The following USP19 variants were observed in gnomAD, a reference collection of about 807,000 sequenced individuals.
USP19 encodes ubiquitin carboxyl-terminal hydrolase 19.
A neutral mutation model predicts 144.8 loss-of-function variants in USP19; 40 were observed. The ratio of observed to expected loss-of-function variants is 0.28; its 90% CI spans 0.21 to 0.36. The LOEUF (loss-of-function observed/expected upper bound fraction) is 0.36. USP19 is among the 10% of genes least tolerant of loss of function. USP19 has a pLI of 1.00. For missense variants in USP19, 1,518 were observed against 1,822.5 expected, an observed-to-expected ratio of 0.83 and a Z score of 3.04; for synonymous variants, 701 against 709.3, an observed-to-expected ratio of 0.99 and a Z score of 0.19.
Position 49,116,000 on chromosome 3 carries a change from G to A in USP19, c.1471+47C>T. ...TTAGCAGCATGTGACAGGGGTTTGG[G>A]TCCTGGTCACGTGGAACTGGGCAAT... is the stretch of plus-strand genomic sequence containing the variant. On this transcript the variant is annotated intron_variant, in intron 10 of 26. Transcript: ENST00000417901. This position sits in a 1 kb window ranked among gnomAD's most constrained non-coding sequence, Gnocchi z 6.6. The A allele has an allele frequency of 6.4e-7, 1 of 1,572,752 alleles. No homozygotes were observed.
intron 17 of USP19, among the ~76,000 whole-genome samples, chr3:49,113,302 A>T (rs527562715): frequency 6.6e-6 from 1 of 152,124 alleles, no homozygotes; most frequent in Admixed American, 6.5e-5. Flanking sequence ...TTTGAGACAG[A>T]GTCTCACTCT....
In USP19 at chr3:49,112,562, T is replaced by A; in HGVS notation, c.2573A>T (p.Asp858Val). The A allele has an allele frequency of 6.2e-7, 1 of 1,614,034 alleles. No individual in the cohort carries two copies. Among genetic ancestry groups the A allele is most frequent in the Non-Finnish European group, 8.5e-7 (1 of 1,179,968 alleles). The change falls in exon 18 of 27, where the codon GAT becomes GTT. Residue 858 changes from aspartate to valine, a missense_variant. Coordinates refer to ENST00000417901, the MANE Select transcript of USP19 (RefSeq NM_001199161.2). The surrounding 1 kb of genome is among the most constrained non-coding windows in gnomAD (Gnocchi z 4.9). ...TAGCAGCTCAAAGCAGAGGAGCGTA[T>A]CAGATGGGGACACAGTGTCCAGTGA... ...SHSLDTVSPS[D>V]TLLCFELLSS...
chr3:49,114,891 G>A lies in USP19; in HGVS notation c.2182-18C>T. 1 of 1,614,186 alleles carries A rather than the reference G, an allele frequency of 6.2e-7. No homozygotes were observed. Among genetic ancestry groups the A allele is most frequent in the Non-Finnish European group, 8.5e-7 (1 of 1,180,036 alleles). ...GCTACCACCTGAGAGGCAGAGTGGTGAGAACCAAAGAGTACCAGGGGCTGG... is the reference window on the plus strand; with the variant it reads ...GCTACCACCTGAGAGGCAGAGTGGTAAGAACCAAAGAGTACCAGGGGCTGG... On this transcript the variant is annotated intron_variant, in intron 14 of 26. Transcript: ENST00000417901. This position sits in a 1 kb window ranked among gnomAD's most constrained non-coding sequence, Gnocchi z 4.5.
At chr3:49,109,984 T>C (rs1559985560) in intron 26 of USP19, 200 bp downstream of exon 26, 5 of 532,216 alleles carry the variant, frequency 9.4e-6, no homozygotes, top group Admixed American at 3.9e-5. Context: ...AGCATGTTAG[T>C]GTACTTGTAT....
chr3:49,110,158 T>C lies in USP19; in HGVS notation c.4038+26A>G. The C allele has an allele frequency of 6.7e-7, 1 of 1,501,570 alleles. No individual in the cohort carries two copies. The highest frequency in any genetic ancestry group is 8.9e-7 in the Non-Finnish European group (1 of 1,127,500). 93.0% of individuals were successfully genotyped at this position (1,501,570 alleles called of 1,614,324 possible). A position where few individuals can be genotyped will look rare whatever the true frequency, so the allele number is the denominator to read the frequency against. ...CAGTCTGTGAACTGTCCCCCAGTATTCTGTAAAGCCTCCCACATGCCTCAC... is the reference window on the plus strand; with the variant it reads ...CAGTCTGTGAACTGTCCCCCAGTATCCTGTAAAGCCTCCCACATGCCTCAC... On this transcript the variant is annotated intron_variant, in intron 26 of 26. Transcript: ENST00000417901. This position sits in a 1 kb window ranked among gnomAD's most constrained non-coding sequence, Gnocchi z 6.1.
rs376820680 is a variant in USP19 at position 49,111,269 on chromosome 3, C to G, written c.3314G>C (p.Arg1105Pro). The G allele has an allele frequency of 2.5e-6, 4 of 1,614,032 alleles. No individual in the cohort carries two copies. In the African/African-American group the frequency reaches 5.3e-5, roughly 22 times the overall value. ...YKIDSSNREQ[R>P]LEDKGDTPLE... ...GCCTCAGACACCTTTGTCCTCTAGC[C>G]GCTGCTCTCGGTTGGATGAATCAAT... Residue 1105 changes from arginine (R) to proline (P), a missense_variant, in exon 22 of 27, where the codon CGG (arginine) becomes CCG (proline). Physicochemically the swap from Arg to Pro is moderately radical, Grantham distance 103. Coordinates refer to ENST00000417901, the MANE Select transcript of USP19 (RefSeq NM_001199161.2). This position sits in a 1 kb window ranked among gnomAD's most constrained non-coding sequence, Gnocchi z 5.9.
rs374519963 is a variant in USP19 at position 49,114,260 on chromosome 3, G to T, written c.2317C>A (p.Leu773Ile). The T allele has an allele frequency of 1.2e-6, 2 of 1,614,246 alleles. No individual in the cohort carries two copies. The highest frequency in any genetic ancestry group is 1.3e-5 in the African/African-American group (1 of 75,064). Residue 773 changes from leucine to isoleucine, a missense_variant, in exon 16 of 27, where the codon CTT (leucine) becomes ATT (isoleucine). Transcript: ENST00000417901. This position sits in a 1 kb window ranked among gnomAD's most constrained non-coding sequence, Gnocchi z 4.5. Reference protein sequence around the residue: ...AKVSITFDPFLYLPVPLPQKQ... With the variant: ...AKVSITFDPFIYLPVPLPQKQ... ...TGTGGCAAGGGCACCGGCAGATAAA[G>T]AAACGGGTCAAAAGTGATGGAGACC... is the stretch of plus-strand genomic sequence containing the variant.
At position 49,108,860 on chromosome 3, in the gene USP19, G is replaced by T; in HGVS notation, c.4039-332C>A. On this transcript the variant is annotated intron_variant, in intron 26 of 26. Transcript: ENST00000417901. The surrounding 1 kb of genome is among the most constrained non-coding windows in gnomAD (Gnocchi z 4.8). ...CCACCCTCTCCCACCAGATGCATAAGCTGAGGCCCAAAGCCCAGAGGTGTT... is the reference window on the plus strand; with the variant it reads ...CCACCCTCTCCCACCAGATGCATAATCTGAGGCCCAAAGCCCAGAGGTGTT... 6.8e-7 allele frequency: 1 copy of T among 1,474,080 alleles called. No homozygotes were observed. Among genetic ancestry groups the T allele is most frequent in the Admixed American group, 2.6e-5 (1 of 39,192 alleles). The allele number at this position is 1,474,080 out of a possible 1,614,324, so 91.3% of individuals were successfully genotyped here.
In USP19 at chr3:49,116,457, T is replaced by C. The variant is rs969705028; in HGVS notation, c.1277A>G (p.Gln426Arg). 1.2e-6 allele frequency: 2 copies of C among 1,614,204 alleles called. No homozygotes were observed. Among genetic ancestry groups the C allele is most frequent in the African/African-American group, 2.7e-5 (2 of 75,062 alleles). The change falls in exon 8 of 27, where the codon CAG becomes CGG. Residue 426 changes from glutamine to arginine, a missense_variant. Around this residue, in one of 5 missense-constraint regions of USP19, gnomAD observed 707 missense variants for 728.9 expected, o/e 0.97. Transcript: ENST00000417901. The surrounding 1 kb of genome is among the most constrained non-coding windows in gnomAD (Gnocchi z 5.0). ...FREQDFTLIF[Q>R]TRDGNFLRLH... ...CCATCATCTACCCACCCACCTGGTC[T>C]GGAAGATGAGCGTGAAGTCCTGCTC...
Position 49,114,734 on chromosome 3 carries a change from G to C in USP19, c.2292+29C>G. 3 of 1,608,528 alleles carry C rather than the reference G, an allele frequency of 1.9e-6. No individual in the cohort carries two copies. Among genetic ancestry groups the C allele is most frequent in the Non-Finnish European group, 2.6e-6 (3 of 1,175,176 alleles). The stretch of plus-strand genomic sequence containing the variant: ...ACCAGAATAGCTGAGCTGAACTAGG[G>C]GGTCTCTTTCCAGGGGAGCCCATCA... On this transcript the variant is annotated intron_variant, in intron 15 of 26. Transcript: ENST00000417901. This position sits in a 1 kb window ranked among gnomAD's most constrained non-coding sequence, Gnocchi z 4.5.
chr3:49,109,604 G>C, intron 26 of USP19, among the ~76,000 whole-genome samples: 1 of 152,230 alleles, frequency 6.6e-6, no homozygotes, highest in East Asian at 1.9e-4. Flanking sequence ...GACAGAGAAG[G>C]CTCAAGAGAG....
At position 49,108,570 on chromosome 3, in the gene USP19, A is replaced by T; in HGVS notation, c.4039-42T>A. The T allele has an allele frequency of 8.0e-7, 1 of 1,248,272 alleles. No individual in the cohort carries two copies. Among genetic ancestry groups the T allele is most frequent in the Non-Finnish European group, 1.0e-6 (1 of 978,774 alleles). 77.3% of individuals were successfully genotyped at this position (1,248,272 alleles called of 1,614,324 possible). ...GGACAGGGGTTGGGGGCTGCCCAGCATGCCGCCTGGCATCCCGGGGGTGCT... is the reference window on the plus strand; with the variant it reads ...GGACAGGGGTTGGGGGCTGCCCAGCTTGCCGCCTGGCATCCCGGGGGTGCT... On this transcript the variant is annotated intron_variant, in intron 26 of 26. Transcript: ENST00000417901. This position sits in a 1 kb window ranked among gnomAD's most constrained non-coding sequence, Gnocchi z 4.8.
Position 49,112,362 on chromosome 3 carries a change from G to C in USP19, c.2687C>G (p.Ala896Gly). The C allele has an allele frequency of 1.9e-6, 3 of 1,614,034 alleles. No individual in the cohort carries two copies. Among genetic ancestry groups the C allele is most frequent in the Non-Finnish European group, 2.5e-6 (3 of 1,179,974 alleles). Residue 896 changes from alanine to glycine, a missense_variant, in exon 19 of 27, where the codon GCC (alanine) becomes GGC (glycine). Around this residue, in one of 5 missense-constraint regions of USP19, gnomAD observed 413 missense variants for 515.8 expected, o/e 0.80. Transcript: ENST00000417901. This position sits in a 1 kb window ranked among gnomAD's most constrained non-coding sequence, Gnocchi z 4.9. ...CTCCGACTGTTGCTTCCGCTGGCAG[G>C]CTGCACACTTGGAGATGGGGACGCT... Reference protein sequence around the residue: ...VPSVPISKCAACQRKQQSEDE... With the variant: ...VPSVPISKCAGCQRKQQSEDE...
In USP19 at chr3:49,108,563, G is replaced by A. The variant is rs2042664704; in HGVS notation, c.4039-35C>T. The A allele has an allele frequency of 6.4e-6, 8 of 1,241,344 alleles. No homozygotes were observed. The highest frequency in any genetic ancestry group is 8.2e-6 in the Non-Finnish European group (8 of 972,070). 76.9% of individuals were successfully genotyped at this position (1,241,344 alleles called of 1,614,324 possible). ...AATACGAGGACAGGGGTTGGGGGCT[G>A]CCCAGCATGCCGCCTGGCATCCCGG... On this transcript the variant is annotated intron_variant, in intron 26 of 26. Coordinates refer to ENST00000417901, the MANE Select transcript of USP19 (RefSeq NM_001199161.2). The surrounding 1 kb of genome is among the most constrained non-coding windows in gnomAD (Gnocchi z 4.8).
In USP19 at chr3:49,117,515, T is replaced by A. The variant is rs113262645; in HGVS notation, c.528A>T (p.Lys176Asn). ...GGAGACTGCCCTTGCGGGTTTGCAC[T>A]TTAGCACAAGAGCTTTTTATCTCAG... ...FYAEIKSSCAKVQTRKGSLLH... is the reference protein window; with the variant it reads ...FYAEIKSSCANVQTRKGSLLH... The change falls in exon 5 of 27, where the codon AAA becomes AAT. Residue 176 changes from lysine to asparagine, a missense_variant. Physicochemically the swap from Lys to Asn is moderately conservative, Grantham distance 94. This residue lies in a region of USP19 where 707 missense variants were observed against 728.9 expected (regional missense o/e 0.97). Transcript: ENST00000417901. This position sits in a 1 kb window ranked among gnomAD's most constrained non-coding sequence, Gnocchi z 4.4. 541 of 1,614,136 alleles carry A rather than the reference T, an allele frequency of 3.4e-4. No individual in the cohort carries two copies. The highest frequency in any genetic ancestry group is 2.8e-3 in the Middle Eastern group (17 of 6,062).
chr3:49,108,550 G>C lies in USP19; in HGVS notation c.4039-22C>G. On this transcript the variant is annotated intron_variant, in intron 26 of 26. Transcript: ENST00000417901. The surrounding 1 kb of genome is among the most constrained non-coding windows in gnomAD (Gnocchi z 4.8). ...GTCCCTGCAACAGAATACGAGGACA[G>C]GGGTTGGGGGCTGCCCAGCATGCCG... 8.1e-7 allele frequency: 1 copy of C among 1,239,040 alleles called. No individual in the cohort carries two copies. Among genetic ancestry groups the C allele is most frequent in the African/African-American group, 1.6e-5 (1 of 63,610 alleles). The allele number at this position is 1,239,040 out of a possible 1,614,324, so 76.8% of individuals were successfully genotyped here.
rs976135241 is a variant in USP19 at position 49,117,257 on chromosome 3, C to T, written c.711G>A (p.Arg237=). 5 of 1,562,266 alleles carry T rather than the reference C, an allele frequency of 3.2e-6. No individual in the cohort carries two copies. In the Admixed American group the frequency reaches 7.6e-5, roughly 24 times the overall value. ...TCTGGTTCCGGGCCTCCTGCTTAGC[C>T]CGGTGGGGCTCAGGGCCTGGCTCCA... ...IALEPGPEPH[R]AKQEARNQKR... The change falls in exon 6 of 27, where the codon CGG becomes CGA. Residue 237 remains arginine, a synonymous_variant. Coordinates refer to ENST00000417901, the MANE Select transcript of USP19 (RefSeq NM_001199161.2). This position sits in a 1 kb window ranked among gnomAD's most constrained non-coding sequence, Gnocchi z 4.4.
rs1227965561 is a variant in USP19 at position 49,112,495 on chromosome 3, C to T, written c.2640G>A (p.Val880=). 6.2e-7 allele frequency: 1 copy of T among 1,613,322 alleles called. No individual in the cohort carries two copies. The highest frequency in any genetic ancestry group is 2.2e-5 in the East Asian group (1 of 44,858). Reference sequence around the variant, plus strand: ...CAGGTTGGCCCCCACTCACCTGTTGCACCTCTAGCACCACTACCCGCTCCT... The same window carrying T: ...CAGGTTGGCCCCCACTCACCTGTTGTACCTCTAGCACCACTACCCGCTCCT... The part of the protein sequence containing the change: ...LAKERVVVLE[V]QQRPQVPSVP... Residue 880 remains valine (V), a synonymous_variant, in exon 18 of 27, where the codon GTG becomes GTA. Coordinates refer to ENST00000417901, the MANE Select transcript of USP19 (RefSeq NM_001199161.2). This position sits in a 1 kb window ranked among gnomAD's most constrained non-coding sequence, Gnocchi z 4.9.
At chr3:49,119,792 G>A (rs1331127946) in intron 1 of USP19, among the ~76,000 whole-genome samples, 1 of 152,172 alleles carries the variant, frequency 6.6e-6, no homozygotes, top group Non-Finnish European at 1.5e-5. Flanking sequence ...CTGGGGCTAA[G>A]GCACTCCACC....
Sources: allele counts gnomAD v4.1 joint callset (sites outside exome capture counted in the v4.1 genomes callset), GRCh38; gene constraint gnomAD v4.1.1; regional missense constraint gnomAD v4.1.1; non-coding constraint Gnocchi (gnomAD v3.1); transcripts MANE v1.5; gene names NCBI Gene and HGNC (gene_info 2026-07-23, HGNC 2026-07-21).